Variants in ADGRL3 observed in about 807,000 individuals in gnomAD.
ADGRL3 encodes the protein adhesion G protein-coupled receptor L3, also known as calcium-independent alpha-latrotoxin receptor 3.
In ADGRL3, 62 loss-of-function variants were observed where a neutral mutation model predicts 153.5. The ratio of observed to expected loss-of-function variants is 0.40; its 90% CI spans 0.33 to 0.50. ADGRL3 has a LOEUF of 0.50. ADGRL3 is among the 20% of genes least tolerant of loss of function. ADGRL3 has a pLI of 0.47. For missense variants in ADGRL3, 1,641 were observed against 1,859.4 expected (o/e 0.88, Z 2.16); for synonymous variants, 710 against 672.5 (o/e 1.06, Z -0.86).
intron 5 of ADGRL3, among the ~76,000 whole-genome samples, chr4:61,590,721 C>T (rs2098965866): frequency 6.6e-6 from 1 of 152,070 alleles, no homozygotes; most frequent in South Asian, 2.1e-4. Context: ...AGGAAGAAGG[C>T]TCTTTCAGCT....
chr4:62,065,662 A>G (rs973086428), intron 25 of ADGRL3, among the ~76,000 whole-genome samples: 7 of 152,024 alleles, frequency 4.6e-5, no homozygotes, highest in African/African-American at 1.4e-4. Context: ...CATTTTGTTT[A>G]GCTTTTTTGC....
chr4:62,070,682 C>A lies in ADGRL3; in HGVS notation c.4406C>A (p.Thr1469Asn). ...LAGVAATESVTTSTQTEPPPA... is the reference protein window; with the variant it reads ...LAGVAATESVNTSTQTEPPPA... ...GGTGTGGCCGCCACAGAGAGTGTTA[C>A]CACCAGCACCCAGACCGAACCCCCA... The change falls in exon 27 of 27, where the codon ACC (threonine) becomes AAC (asparagine). Residue 1469 changes from threonine (T) to asparagine (N), a missense_variant. Around this residue, in one of 5 missense-constraint regions of ADGRL3, gnomAD observed 517 missense variants for 555.0 expected, o/e 0.93. Transcript: ENST00000683033. 1 of 1,551,474 alleles carries A rather than the reference C, an allele frequency of 6.4e-7. No individual in the cohort carries two copies. The highest frequency in any genetic ancestry group is 8.7e-7 in the Non-Finnish European group (1 of 1,146,890).
intron 1 of ADGRL3, among the ~76,000 whole-genome samples, chr4:61,349,013 G>A (rs1436421486): frequency 6.6e-6 from 1 of 151,898 alleles, no homozygotes; most frequent in Non-Finnish European, 1.5e-5. Flanking sequence ...GCAGTCAAGG[G>A]GATGTGGGAG....
chr4:61,651,959 C>A (rs947645876), intron 5 of ADGRL3, among the ~76,000 whole-genome samples: 1 of 151,416 alleles, frequency 6.6e-6, no homozygotes, highest in South Asian at 2.1e-4. Flanking sequence ...TGTTTAAAAA[C>A]AAAATTTGTA....
intron 6 of ADGRL3, among the ~76,000 whole-genome samples, chr4:61,684,159 G>A (rs887391350): frequency 2.6e-5 from 4 of 152,134 alleles, no homozygotes; most frequent in Non-Finnish European, 5.9e-5. Context: ...TCTAGTACCA[G>A]TTACAACGTA....
intron 4 of ADGRL3, among the ~76,000 whole-genome samples, chr4:61,519,150 ACTCT>A (rs531711467): frequency 1.6e-4 from 24 of 152,240 alleles, no homozygotes; most frequent in African/African-American, 4.1e-4. Context: ...GCTGCTGGAA[ACTCT>A]CTCTTCTGAC....
intron 11 of ADGRL3, among the ~76,000 whole-genome samples, chr4:61,896,537 T>C (rs2098632559): frequency 6.6e-6 from 1 of 152,186 alleles, no homozygotes; most frequent in Admixed American, 6.5e-5. Context: ...TTACAAATGA[T>C]GGCCTTACTA....
chr4:61,372,953 G>A (rs1201617167), intron 1 of ADGRL3, among the ~76,000 whole-genome samples: 1 of 152,082 alleles, frequency 6.6e-6, no homozygotes. Context: ...TAAGCCCGTC[G>A]GAAAAGCGCA....
intron 2 of ADGRL3, among the ~76,000 whole-genome samples, chr4:61,465,758 AATATATATAT>A (rs10701021): frequency 3.1e-5 from 4 of 130,178 alleles, no homozygotes; most frequent in African/African-American, 1.1e-4. Context: ...ATTATATATA[AATATATATAT>A]ATATATATAT....
At chr4:61,503,793 G>A (rs1284895328) in intron 3 of ADGRL3, among the ~76,000 whole-genome samples, 4 of 151,994 alleles carry the variant, frequency 2.6e-5, no homozygotes, top group Admixed American at 2.0e-4. Flanking sequence ...TACTTATACA[G>A]CATTTTGATA....
chr4:62,017,418 G>C (rs1335569622), intron 21 of ADGRL3, among the ~76,000 whole-genome samples: 4 of 148,338 alleles, frequency 2.7e-5, no homozygotes, highest in African/African-American at 9.9e-5. Flanking sequence ...TTCATAAATA[G>C]TTTTTTTTAA....
At chr4:61,526,970 C>A (rs1022755484) in intron 4 of ADGRL3, among the ~76,000 whole-genome samples, 7 of 151,562 alleles carry the variant, frequency 4.6e-5, no homozygotes, top group Non-Finnish European at 1.0e-4. Flanking sequence ...ACACTATGGC[C>A]GAAATATTTG....
chr4:61,264,497 T>C (rs1208492596), intron 1 of ADGRL3, among the ~76,000 whole-genome samples: 1 of 152,052 alleles, frequency 6.6e-6, no homozygotes, highest in African/African-American at 2.4e-5. Context: ...TCCTTCTTTC[T>C]AAATCACAGA....
chr4:61,877,410 T>C (rs1164453664), intron 9 of ADGRL3, among the ~76,000 whole-genome samples: 1 of 152,142 alleles, frequency 6.6e-6, no homozygotes, highest in East Asian at 1.9e-4. Context: ...TTGGTATGAA[T>C]ACAAAGGAGT....
chr4:61,909,844 T>C lies in ADGRL3; in HGVS notation c.2073+99T>C, dbSNP rs895980033. Reference sequence around the variant, plus strand: ...AAATCAGAAAGACTTCACTGCTTAATTTTCCTCCTTCTACAGAATATGATC... The same window carrying C: ...AAATCAGAAAGACTTCACTGCTTAACTTTCCTCCTTCTACAGAATATGATC... On this transcript the variant is annotated intron_variant, in intron 12 of 26. Coordinates refer to ENST00000683033, the MANE Select transcript of ADGRL3 (RefSeq NM_001387552.1). 5 of 861,272 alleles carry C rather than the reference T, an allele frequency of 5.8e-6. No individual in the cohort carries two copies. The African/African-American group carries it at 6.8e-5, about 12-fold the overall frequency. 53.4% of individuals were successfully genotyped at this position (861,272 alleles called of 1,614,324 possible).
chr4:61,653,185 C>T (rs2094328383), intron 5 of ADGRL3, among the ~76,000 whole-genome samples: 1 of 151,588 alleles, frequency 6.6e-6, no homozygotes, highest in Admixed American at 6.6e-5. Flanking sequence ...CACACACACA[C>T]ACACACACAC....
chr4:62,020,439 C>G (rs1056085292), intron 21 of ADGRL3, among the ~76,000 whole-genome samples: 1 of 151,902 alleles, frequency 6.6e-6, no homozygotes, highest in Non-Finnish European at 1.5e-5. Flanking sequence ...AATACTGGAC[C>G]TCCAAAAGTG....
chr4:61,946,856 T>C lies in ADGRL3; in HGVS notation c.2420-58T>C. The C allele has an allele frequency of 4.7e-6, 6 of 1,274,714 alleles. No individual in the cohort carries two copies. The South Asian group carries it at 7.2e-5, about 15-fold the overall frequency. 79.0% of individuals were successfully genotyped at this position (1,274,714 alleles called of 1,614,324 possible). A position where few individuals can be genotyped will look rare whatever the true frequency, so the allele number is the denominator to read the frequency against. On this transcript the variant is annotated intron_variant, in intron 15 of 26. Transcript: ENST00000683033. The stretch of plus-strand genomic sequence containing the variant: ...ACATGGATTTAATTTTCTATCTCAT[T>C]AGTACTAACTAATTTAAGTAGAGTG...
chr4:61,384,733 T>A (rs1396320702), intron 2 of ADGRL3, among the ~76,000 whole-genome samples: 1 of 152,012 alleles, frequency 6.6e-6, no homozygotes, highest in African/African-American at 2.4e-5. Context: ...CAGTAGAAGC[T>A]AATAAACTCT....
Sources: allele counts gnomAD v4.1 joint callset (sites outside exome capture counted in the v4.1 genomes callset), GRCh38; gene constraint gnomAD v4.1.1; regional missense constraint gnomAD v4.1.1; transcripts MANE v1.5; gene names NCBI Gene and HGNC (gene_info 2026-07-23, HGNC 2026-07-21).